Variants in UTP6 observed in about 807,000 individuals in gnomAD.
UTP6 encodes UTP6 small subunit processome component.
Under a neutral mutation model 96.5 loss-of-function variants are expected in UTP6, and 60 were observed. The ratio of observed to expected loss-of-function variants is 0.62; its 90% CI spans 0.51 to 0.77. The LOEUF (loss-of-function observed/expected upper bound fraction) is 0.77. Ranked by LOEUF, UTP6 falls within the 30% of genes least tolerant of loss-of-function variation. The pLI is 0.00. For synonymous variants in UTP6, 215 were observed against 240.1 expected (o/e 0.90, Z 0.96); for missense variants, 637 against 706.5 (o/e 0.90, Z 1.12).
At position 31,875,230 on chromosome 17, in the gene UTP6, T is replaced by C; in HGVS notation, c.1305+4A>G. On this transcript the variant is annotated splice_donor_region_variant and intron_variant, in intron 14 of 18. Transcript: ENST00000261708. ...AATGAATACAAAAGATCCAGCTCAC[T>C]GACCTGGGGTTTCAGGTGCACAAAG... The C allele has an allele frequency of 1.2e-6, 2 of 1,613,586 alleles. No individual in the cohort carries two copies. The highest frequency in any genetic ancestry group is 1.7e-6 in the Non-Finnish European group (2 of 1,179,828).
At position 31,875,363 on chromosome 17, in the gene UTP6, T is replaced by C; in HGVS notation, c.1176A>G (p.Ala392=). The change falls in exon 14 of 19, where the codon GCA becomes GCG. Residue 392 remains alanine, a synonymous_variant. Coordinates refer to ENST00000261708, the MANE Select transcript of UTP6 (RefSeq NM_018428.3). ...CTCTAAACAATTCAGTTCCAGCTAC[T>C]GCCACTTCCAGAGCTTCCCTCAGGA... ...YNFLREALEV[A]VAGTELFRDS... The C allele has an allele frequency of 2.5e-6, 4 of 1,614,222 alleles. No individual in the cohort carries two copies. Among genetic ancestry groups the C allele is most frequent in the Non-Finnish European group, 2.5e-6 (3 of 1,180,044 alleles).
At position 31,864,013 on chromosome 17, in the gene UTP6, T is replaced by C. The variant is rs939850551; in HGVS notation, c.1637-497A>G. Reference sequence around the variant, plus strand: ...ACTGTGCCTCATCAGTTTTGTTTTTTTGTTTTTTGTTTTTTTTCCCAGTAG... The same window carrying C: ...ACTGTGCCTCATCAGTTTTGTTTTTCTGTTTTTTGTTTTTTTTCCCAGTAG... On this transcript the variant is annotated intron_variant, in intron 18 of 18. Transcript: ENST00000261708. 2.6e-5 allele frequency among the ~76,000 whole-genome samples: 4 copies of C among 152,310 alleles called. No individual in the cohort carries two copies. The East Asian group carries it at 7.7e-4, about 29-fold the overall frequency.
rs1909619394 is a variant in UTP6 at position 31,863,161 on chromosome 17, C to A, written c.*198G>T. ...TTCAAGACCAGCCAGGGCAACAGAG[C>A]AAGACCCAGTCTCAATCATAAAAAT... On this transcript the variant is annotated 3_prime_UTR_variant, in exon 19 of 19. Coordinates refer to ENST00000261708, the MANE Select transcript of UTP6 (RefSeq NM_018428.3). 1.7e-6 allele frequency: 1 copy of A among 575,710 alleles called. No individual in the cohort carries two copies. The highest frequency in any genetic ancestry group is 3.0e-6 in the Non-Finnish European group (1 of 334,304). 35.7% of individuals were successfully genotyped at this position (575,710 alleles called of 1,614,324 possible).
intron 11 of UTP6, among the ~76,000 whole-genome samples, chr17:31,879,846 G>A (rs527256070): frequency 3.3e-5 from 5 of 151,766 alleles, no homozygotes; most frequent in East Asian, 3.9e-4. Context: ...TGGCTCATGC[G>A]TGTAATCCCA....
chr17:31,869,227 G>GCTGA (rs571630442), intron 16 of UTP6, among the ~76,000 whole-genome samples: 31 of 152,276 alleles, frequency 2.0e-4, no homozygotes, highest in Admixed American at 1.8e-3. Flanking sequence ...GGAGTACAGT[G>GCTGA]CTGAGATCAT....
At chr17:31,890,585 C>A (rs1032566812) in intron 6 of UTP6, among the ~76,000 whole-genome samples, 4 of 149,660 alleles carry the variant, frequency 2.7e-5, no homozygotes, top group Non-Finnish European at 4.5e-5. Flanking sequence ...ACGACTACAC[C>A]CCAGCCTGGG....
intron 2 of UTP6, among the ~76,000 whole-genome samples, chr17:31,897,543 G>T (rs564271301): frequency 1.3e-5 from 2 of 150,878 alleles, no homozygotes; most frequent in South Asian, 4.2e-4. Flanking sequence ...CCACCTCCTG[G>T]GTTCAAGCAA....
intron 13 of UTP6, among the ~76,000 whole-genome samples, chr17:31,876,902 C>T (rs1289622081): frequency 1.3e-5 from 2 of 152,068 alleles, no homozygotes; most frequent in Non-Finnish European, 2.9e-5. Context: ...ATCCCAGCTA[C>T]TCGGGAGGAT....
chr17:31,890,445 G>A (rs535485136), intron 6 of UTP6, among the ~76,000 whole-genome samples: 8 of 151,246 alleles, frequency 5.3e-5, no homozygotes, highest in African/African-American at 1.7e-4. Flanking sequence ...GTGAATCCTC[G>A]TTTCTACTAA....
chr17:31,873,415 T>G lies in UTP6; in HGVS notation c.1459A>C (p.Ser487Arg). The change falls in exon 16 of 19, where the codon AGT becomes CGT. Residue 487 changes from serine (S) to arginine (R), a missense_variant. Physicochemically the swap from Ser to Arg is moderately radical, Grantham distance 110. Coordinates refer to ENST00000261708, the MANE Select transcript of UTP6 (RefSeq NM_018428.3). ...KNKYLDWAYR[S>R]GGYKKARAVF... ...GCTCTGGCCTTTTTGTAGCCACCAC[T>G]TCGATAAGCCCAATCCAGGTACTTA... The G allele has an allele frequency of 6.2e-7, 1 of 1,614,182 alleles. No homozygotes were observed. Among genetic ancestry groups the G allele is most frequent in the Non-Finnish European group, 8.5e-7 (1 of 1,180,046 alleles).
intron 1 of UTP6, among the ~76,000 whole-genome samples, chr17:31,901,016 T>C (rs1728242588): frequency 6.6e-6 from 1 of 152,180 alleles, no homozygotes; most frequent in Non-Finnish European, 1.5e-5. Context: ...AACATAATTT[T>C]AACACGCTAC....
intron 4 of UTP6, among the ~76,000 whole-genome samples, chr17:31,893,426 A>G (rs12449575): frequency 1.7e-4 from 19 of 109,646 alleles, no homozygotes; most frequent in Non-Finnish European, 2.2e-4. Flanking sequence ...GCAAGACTCC[A>G]CCTCAAAAAA....
intron 2 of UTP6, among the ~76,000 whole-genome samples, chr17:31,897,779 G>C (rs1157400481): frequency 6.6e-6 from 1 of 152,034 alleles, no homozygotes; most frequent in African/African-American, 2.4e-5. Context: ...ATGTGATCTT[G>C]TTATTGGTTC....
chr17:31,878,657 G>GCAGT, intron 12 of UTP6, 45 bp downstream of exon 12: 2 of 1,542,322 alleles, frequency 1.3e-6, no homozygotes, highest in Non-Finnish European at 1.8e-6. Context: ...CTTTCAGAAG[G>GCAGT]CAGTCACTAT....
At position 31,901,544 on chromosome 17, in the gene UTP6, C is replaced by T. The variant is rs1015038660; in HGVS notation, c.84G>A (p.Ala28=). 4.3e-6 allele frequency: 7 copies of T among 1,613,926 alleles called. No individual in the cohort carries two copies. The African/African-American group carries it at 9.3e-5, about 22-fold the overall frequency. Residue 28 remains alanine, a synonymous_variant, in exon 1 of 19, where the codon GCG becomes GCA. Transcript: ENST00000261708. ...QLERIGLFSH[A]EIKAIIKKAS... is the part of the protein sequence containing the mutation. ...CCCCAACCCTCTCTCACTTAATCTC[C>T]GCATGACTGAACAGTCCAATGCGCT...
chr17:31,878,256 C>T lies in UTP6; in HGVS notation c.1119G>A (p.Lys373=). The T allele has an allele frequency of 6.2e-7, 1 of 1,614,070 alleles. No individual in the cohort carries two copies. Among genetic ancestry groups the T allele is most frequent in the Non-Finnish European group, 8.5e-7 (1 of 1,179,980 alleles). The stretch of plus-strand genomic sequence containing the variant: ...ATTTTCTCTATGTTCTTACCAACTG[C>T]TTGTATTGGCATTCTGACAGAAGCT... The part of the protein sequence containing the change: ...ELKLLSECQY[K]QLSVSLLCYN... Residue 373 remains lysine (K), a synonymous_variant, in exon 13 of 19, where the codon AAG becomes AAA. Transcript: ENST00000261708.
chr17:31,884,084 C>T (rs961810720), intron 10 of UTP6, among the ~76,000 whole-genome samples: 3 of 151,236 alleles, frequency 2.0e-5, no homozygotes, highest in African/African-American at 7.3e-5. Context: ...CTGCAACCTC[C>T]GCCTCCCAGG....
intron 14 of UTP6, among the ~76,000 whole-genome samples, chr17:31,874,663 G>A (rs1274742328): frequency 6.6e-6 from 1 of 152,000 alleles, no homozygotes; most frequent in Non-Finnish European, 1.5e-5. Flanking sequence ...CATACACCGT[G>A]GCTCACGCCT....
At chr17:31,870,766 G>A (rs9747631) in intron 16 of UTP6, among the ~76,000 whole-genome samples, 103,173 of 151,498 alleles carry the variant, frequency 0.68, 37,417 homozygotes, top group East Asian at 0.84. Flanking sequence ...CTCGTGATCC[G>A]TCTGCCTCGA....
Sources: allele counts gnomAD v4.1 joint callset (sites outside exome capture counted in the v4.1 genomes callset), GRCh38; gene constraint gnomAD v4.1.1; transcripts MANE v1.5; gene names NCBI Gene and HGNC (gene_info 2026-07-23, HGNC 2026-07-21).